Variants in ZFP64 observed in about 807,000 individuals in gnomAD.
ZFP64 encodes the protein ZFP64 zinc finger protein.
ZFP64 carries 14 observed loss-of-function variants against 51.6 expected under a neutral mutation model. The observed-to-expected ratio is 0.27, with a 90% CI of 0.18 to 0.42. The LOEUF is 0.42. Ranked by LOEUF, ZFP64 falls within the 10% of genes least tolerant of loss-of-function variation. The pLI is 1.00. For synonymous variants in ZFP64, 375 were observed against 361.4 expected (o/e 1.04, Z -0.43); for missense variants, 754 against 906.8 (o/e 0.83, Z 2.16).
chr20:52,165,980 A>G lies in ZFP64; in HGVS notation c.332T>C (p.Leu111Pro). 6.2e-7 allele frequency: 1 copy of G among 1,613,624 alleles called. No homozygotes were observed. ...FVFEHGYQTY[L>P]PTESNENQTA... ...CTGGTTTTCATTACTTTCCGTGGGCAGGTAAGTTTGATAGCCATGTTCAAA... is the reference window on the plus strand; with the variant it reads ...CTGGTTTTCATTACTTTCCGTGGGCGGGTAAGTTTGATAGCCATGTTCAAA... The change falls in exon 3 of 6, where the codon CTG becomes CCG. Residue 111 changes from leucine (L) to proline (P), a missense_variant. Physicochemically the swap from Leu to Pro is moderately conservative, Grantham distance 98 (BLOSUM62 -3). Coordinates refer to ENST00000216923, the MANE Select transcript of ZFP64 (RefSeq NM_018197.3).
chr20:52,184,395 C>T (rs796436496), intron 2 of ZFP64, among the ~76,000 whole-genome samples: 28 of 152,332 alleles, frequency 1.8e-4, no homozygotes, highest in African/African-American at 6.7e-4. Flanking sequence ...ACAGTCCCCA[C>T]CACTCTCTAA....
At chr20:52,114,666 G>A (rs990207701) in intron 5 of ZFP64, among the ~76,000 whole-genome samples, 4 of 152,172 alleles carry the variant, frequency 2.6e-5, no homozygotes, top group African/African-American at 9.6e-5. Flanking sequence ...GAGCATGAAT[G>A]TTTATAGCCA....
chr20:52,112,152 G>A (rs933876245), intron 5 of ZFP64, among the ~76,000 whole-genome samples: 9 of 151,014 alleles, frequency 6.0e-5, no homozygotes, highest in Non-Finnish European at 8.8e-5. Context: ...TCCCACCTGT[G>A]TGATCTCAAG....
At chr20:52,172,548 TAGA>T (rs1464197042) in intron 2 of ZFP64, among the ~76,000 whole-genome samples, 2 of 152,102 alleles carry the variant, frequency 1.3e-5, no homozygotes, top group African/African-American at 4.8e-5. Flanking sequence ...CAGAGCACCC[TAGA>T]AGAAGGTGAA....
At chr20:52,111,720 A>G (rs1415831554) in intron 5 of ZFP64, among the ~76,000 whole-genome samples, 2 of 152,166 alleles carry the variant, frequency 1.3e-5, no homozygotes, top group Non-Finnish European at 2.9e-5. Flanking sequence ...CTTTACAAAC[A>G]TTATAAAGAT....
chr20:52,149,292 G>C (rs1359066035), downstream of ZFP64, among the ~76,000 whole-genome samples: 1 of 137,960 alleles, frequency 7.2e-6, no homozygotes, highest in Admixed American at 7.3e-5. Context: ...AAAAAAAAAA[G>C]CTGAATATGA....
chr20:52,151,889 T>A lies in ZFP64; in HGVS notation c.*257A>T. The A allele has an allele frequency of 1.0e-6, 1 of 992,332 alleles. No homozygotes were observed. Among genetic ancestry groups the A allele is most frequent in the Non-Finnish European group, 1.3e-6 (1 of 752,328 alleles). 61.5% of individuals were successfully genotyped at this position (992,332 alleles called of 1,614,324 possible). A position where few individuals can be genotyped will look rare whatever the true frequency, so the allele number is the denominator to read the frequency against. ...CCGTCTCTACTAAATATACAAAAAT[T>A]AGCCAGTCATGATGTCGTACACCTG... On this transcript the variant is annotated 3_prime_UTR_variant, in exon 6 of 6. Transcript: ENST00000216923.
chr20:52,088,766 A>T, intron 7 of ZFP64: 1 of 1,245,834 alleles, frequency 8.0e-7, no homozygotes, highest in Non-Finnish European at 1.1e-6. Flanking sequence ...ACTGAGAGAG[A>T]AAGATACTGA....
exon 9 of ZFP64, chr20:52,084,698 C>T: frequency 1.2e-6 from 2 of 1,614,256 alleles, no homozygotes; most frequent in South Asian, 1.1e-5. Flanking sequence ...TGTGCTGCTT[C>T]TTGTGGCATC....
chr20:52,162,738 G>A (rs4811303), intron 4 of ZFP64, among the ~76,000 whole-genome samples: 39,910 of 152,030 alleles, frequency 0.26, 5,420 homozygotes, highest in Admixed American at 0.31. Flanking sequence ...TAGTTCCTGC[G>A]GTCACTACAC....
chr20:52,169,082 T>TC (rs1313957963), intron 2 of ZFP64, among the ~76,000 whole-genome samples: 1 of 152,222 alleles, frequency 6.6e-6, no homozygotes, highest in African/African-American at 2.4e-5. Flanking sequence ...TCAGGCCAGT[T>TC]ATGTAACTTC....
chr20:52,159,110 C>T (rs967946735), intron 5 of ZFP64, among the ~76,000 whole-genome samples: 1 of 152,190 alleles, frequency 6.6e-6, no homozygotes, highest in Non-Finnish European at 1.5e-5. Context: ...GTGGTTAAGC[C>T]AAGCCAAGAT....
intron 2 of ZFP64, among the ~76,000 whole-genome samples, chr20:52,176,558 G>GGACTGCA (rs1983235860): frequency 1.4e-5 from 2 of 147,468 alleles, no homozygotes; most frequent in Non-Finnish European, 3.0e-5. Context: ...GCCGGACTGC[G>GGACTGCA]GACTGCAGTG....
Position 52,152,066 on chromosome 20 carries a change from A to G in ZFP64, c.*80T>C. On this transcript the variant is annotated 3_prime_UTR_variant, in exon 6 of 6. Coordinates refer to ENST00000216923, the MANE Select transcript of ZFP64 (RefSeq NM_018197.3). ...ACAAAACAAAACAAAGAAAACATTA[A>G]GAGCAAACCTTTTAGAGAATTCTAC... 1.3e-6 allele frequency: 2 copies of G among 1,513,442 alleles called. No homozygotes were observed. The highest frequency in any genetic ancestry group is 1.8e-6 in the Non-Finnish European group (2 of 1,133,388). 93.8% of individuals were successfully genotyped at this position (1,513,442 alleles called of 1,614,324 possible).
rs542777362 is a variant in ZFP64, at chr20:52,142,990, C to G, written c.763+17133G>C. Among the ~76,000 whole-genome samples, 145 of 142,612 alleles carry G rather than the reference C, an allele frequency of 1.0e-3. 13 individuals carry two copies. Among genetic ancestry groups the G allele is most frequent in the African/African-American group, 3.3e-3 (134 of 40,054 alleles). 93.6% of individuals were successfully genotyped at this position (142,612 alleles called of 152,430 possible). On this transcript the variant is annotated intron_variant, in intron 5 of 8. Transcript: ENST00000361387. ...AGCAGCCATCAGCATTGAGGAAGAC[C>G]CTTTATCAGCAAAATGACTGCAACT... is the stretch of plus-strand genomic sequence containing the variant.
intron 2 of ZFP64, among the ~76,000 whole-genome samples, chr20:52,175,037 C>T (rs1983070520): frequency 6.6e-6 from 1 of 152,068 alleles, no homozygotes. Context: ...CCTGTTTATT[C>T]TATTAGCTCA....
chr20:52,191,479 C>T lies in ZFP64; in HGVS notation c.46+112G>A. On this transcript the variant is annotated intron_variant, in intron 1 of 5. Coordinates refer to ENST00000216923, the MANE Select transcript of ZFP64 (RefSeq NM_018197.3). This position sits in a 1 kb window ranked among gnomAD's most constrained non-coding sequence, Gnocchi z 4.3. ...CCCGAGACGCGGCTCCGAGCCGTCA[C>T]CCCGATTTCGGGGCCCCGGGCCTGC... 7.7e-7 allele frequency: 1 copy of T among 1,295,206 alleles called. No homozygotes were observed. Among genetic ancestry groups the T allele is most frequent in the Non-Finnish European group, 9.9e-7 (1 of 1,006,088 alleles). 80.2% of individuals were successfully genotyped at this position (1,295,206 alleles called of 1,614,324 possible).
intron 1 of ZFP64, 102 bp from the exon 2 acceptor site, chr20:52,187,173 G>T: frequency 7.5e-7 from 1 of 1,335,972 alleles, no homozygotes; most frequent in Non-Finnish European, 1.0e-6. Flanking sequence ...TGGCAGACAT[G>T]GCTGGGTAGT....
chr20:52,190,778 T>A (rs898552096), intron 1 of ZFP64, among the ~76,000 whole-genome samples: 1 of 152,096 alleles, frequency 6.6e-6, no homozygotes, highest in African/African-American at 2.4e-5. Context: ...AGCTGGGAGC[T>A]TACTATGTGC....
Sources: gnomAD v4.1 joint callset for allele counts (sites outside exome capture counted in the v4.1 genomes callset) on GRCh38, gnomAD v4.1.1 for gene constraint, Gnocchi (gnomAD v3.1) non-coding constraint, MANE v1.5 for transcripts, NCBI Gene and HGNC (gene_info 2026-07-23, HGNC 2026-07-21) for gene names.